Variants in LRP1B observed in about 807,000 individuals in gnomAD.
LRP1B encodes LDL receptor related protein 1B.
A neutral mutation model predicts 556.6 loss-of-function variants in LRP1B; 217 were observed. The ratio of observed to expected loss-of-function variants is 0.39; its 90% confidence interval spans 0.35 to 0.44. The LOEUF (loss-of-function observed/expected upper bound fraction) is 0.44. Among genes scored for constraint, LRP1B ranks in the 20% least tolerant of loss-of-function variants. The pLI, the probability that LRP1B is intolerant of heterozygous loss-of-function variation, is 1.00. For synonymous variants in LRP1B, 2,047 were observed against 1,865.8 expected (o/e 1.10, Z -2.50); for missense variants, 5,053 against 5,620.8 (o/e 0.90, Z 3.23).
rs1694788851 is a variant in LRP1B, at chr2:140,923,120, C to A, written c.3164G>T (p.Gly1055Val). 1 of 1,611,546 alleles carries A rather than the reference C, an allele frequency of 6.2e-7. No homozygotes were observed. Among genetic ancestry groups the A allele is most frequent in the African/African-American group, 1.3e-5 (1 of 74,878 alleles). Residue 1055 changes from glycine (G) to valine (V), a missense_variant, in exon 21 of 91, where the codon GGA becomes GTA. Coordinates refer to ENST00000389484, the MANE Select transcript of LRP1B (RefSeq NM_018557.3). Reference protein sequence around the residue: ...EEIHSPAGCNGNEFQCHPDGN... With the variant: ...EEIHSPAGCNVNEFQCHPDGN... ...ATCAGGGTGGCACTGAAATTCATTTCCGTTACAACCAGCAGGAGAATGAAT... is the reference window on the plus strand; with the variant it reads ...ATCAGGGTGGCACTGAAATTCATTTACGTTACAACCAGCAGGAGAATGAAT...
intron 2 of LRP1B, among the ~76,000 whole-genome samples, chr2:141,681,064 G>T (rs1242215160): frequency 6.6e-6 from 1 of 152,038 alleles, no homozygotes; most frequent in Non-Finnish European, 1.5e-5. Flanking sequence ...GGCTGAGGTG[G>T]GTAGATTGCT....
intron 47 of LRP1B, among the ~76,000 whole-genome samples, chr2:140,531,775 G>A (rs544207210): frequency 4.7e-4 from 71 of 152,140 alleles, no homozygotes; most frequent in South Asian, 3.9e-3. Context: ...GTCATCAAGC[G>A]AGTATCTACT....
chr2:142,120,127 G>GTTTA (rs1374029546), intron 1 of LRP1B, among the ~76,000 whole-genome samples: 1 of 152,016 alleles, frequency 6.6e-6, no homozygotes, highest in Non-Finnish European at 1.5e-5. Flanking sequence ...TTGTTTGTTT[G>GTTTA]TTTTTTGAGA....
At chr2:141,510,235 C>CA (rs1553524080) in intron 2 of LRP1B, among the ~76,000 whole-genome samples, 48,750 of 142,774 alleles carry the variant, frequency 0.34, 8,685 homozygotes, top group East Asian at 0.58. Flanking sequence ...CACACACACA[C>CA]CCCCCACAGT....
chr2:141,986,855 C>T (rs1438784309), intron 1 of LRP1B, among the ~76,000 whole-genome samples: 1 of 151,972 alleles, frequency 6.6e-6, no homozygotes, highest in East Asian at 1.9e-4. Context: ...CACAACAATA[C>T]AAGCATCTCT....
chr2:141,413,796 G>T (rs969773689), intron 3 of LRP1B, among the ~76,000 whole-genome samples: 2 of 151,766 alleles, frequency 1.3e-5, no homozygotes, highest in Non-Finnish European at 2.9e-5. Flanking sequence ...AGGATAACCT[G>T]AGCACAGGGA....
At chr2:140,675,488 T>C (rs76889192) in intron 41 of LRP1B, among the ~76,000 whole-genome samples, 219 of 152,342 alleles carry the variant, frequency 1.4e-3, no homozygotes, top group African/African-American at 4.9e-3. Context: ...ACATTTCAAA[T>C]TGAATTATAT....
chr2:141,164,495 A>G (rs1477854999), intron 7 of LRP1B, among the ~76,000 whole-genome samples: 1 of 152,134 alleles, frequency 6.6e-6, no homozygotes, highest in Non-Finnish European at 1.5e-5. Context: ...GAATAAATGA[A>G]TAGATAAAAT....
chr2:141,797,945 C>G (rs901211390), intron 2 of LRP1B, among the ~76,000 whole-genome samples: 2 of 152,082 alleles, frequency 1.3e-5, no homozygotes, highest in African/African-American at 4.8e-5. Context: ...GACTAGAAAC[C>G]TATGACAATT....
intron 3 of LRP1B, among the ~76,000 whole-genome samples, chr2:141,453,747 G>A (rs187088159): frequency 1.3e-5 from 2 of 152,000 alleles, no homozygotes; most frequent in South Asian, 2.1e-4. Flanking sequence ...ACAAAACCCT[G>A]TCTCTACTGA....
chr2:141,211,384 G>A (rs1682543165), intron 6 of LRP1B, among the ~76,000 whole-genome samples: 1 of 151,354 alleles, frequency 6.6e-6, no homozygotes, highest in Non-Finnish European at 1.5e-5. Context: ...CACTTTGGGA[G>A]ACCAAGGCAG....
At chr2:140,284,352 T>G (rs1048509929) in intron 84 of LRP1B, among the ~76,000 whole-genome samples, 3 of 135,412 alleles carry the variant, frequency 2.2e-5, no homozygotes, top group African/African-American at 8.2e-5. Context: ...GACTCAATTT[T>G]CGAAAACTGG....
intron 3 of LRP1B, among the ~76,000 whole-genome samples, chr2:141,421,739 AG>A (rs142705587): frequency 0.041 from 6,275 of 152,212 alleles, 187 homozygotes; most frequent in Non-Finnish European, 0.059. Context: ...TTTGCTAGAG[AG>A]GGCCTTATGC....
intron 43 of LRP1B, among the ~76,000 whole-genome samples, chr2:140,590,257 A>G (rs1355170071): frequency 6.8e-6 from 1 of 147,976 alleles, no homozygotes; most frequent in Non-Finnish European, 1.5e-5. Flanking sequence ...TATACATAAT[A>G]TATAATGTAT....
chr2:141,418,548 TG>T (rs1379310577), intron 3 of LRP1B, among the ~76,000 whole-genome samples: 2 of 151,906 alleles, frequency 1.3e-5, no homozygotes, highest in Non-Finnish European at 2.9e-5. Flanking sequence ...TGAGTATGTG[TG>T]GGTTTATTTC....
chr2:141,892,765 C>T (rs1355202932), intron 1 of LRP1B, among the ~76,000 whole-genome samples: 1 of 152,032 alleles, frequency 6.6e-6, no homozygotes, highest in Non-Finnish European at 1.5e-5. Flanking sequence ...CTTGACTCAT[C>T]GTTCAGCATT....
At chr2:140,543,462 T>C (rs1680210465) in intron 43 of LRP1B, among the ~76,000 whole-genome samples, 1 of 151,992 alleles carries the variant, frequency 6.6e-6, no homozygotes, top group Non-Finnish European at 1.5e-5. Context: ...TAAAAAATCA[T>C]TCAGCATAAT....
At chr2:140,520,152 C>T (rs926795826) in intron 49 of LRP1B, among the ~76,000 whole-genome samples, 5 of 152,062 alleles carry the variant, frequency 3.3e-5, no homozygotes, top group African/African-American at 1.2e-4. Flanking sequence ...AACACACATG[C>T]ACATGTATGT....
At position 141,571,468 on chromosome 2, in the gene LRP1B, GA is replaced by G. The variant is rs200890462; in HGVS notation, c.206-90936del. Among the ~76,000 whole-genome samples the G allele has an allele frequency of 3.6e-4, 49 of 138,020 alleles. 5 individuals carry two copies. The highest frequency in any genetic ancestry group is 2.8e-4 in the Admixed American group (4 of 14,078). The allele number at this position is 138,020 out of a possible 152,430, so 90.5% of individuals were successfully genotyped here. A position where few individuals can be genotyped will look rare whatever the true frequency, so the allele number is the denominator to read the frequency against. On this transcript the variant is annotated intron_variant, in intron 2 of 90. Transcript: ENST00000389484. ...AAACTAGACAAACTCACAAAGATAA[GA>G]AAAAAAAATCAAAGAAAAAATGCTG...
Sources: gnomAD v4.1 joint callset for allele counts (sites outside exome capture counted in the v4.1 genomes callset) on GRCh38, gnomAD v4.1.1 for gene constraint, MANE v1.5 for transcripts, NCBI Gene and HGNC (gene_info 2026-07-23, HGNC 2026-07-21) for gene names.